SEMA3A: variants seen among roughly 807,000 people sequenced by gnomAD.
SEMA3A encodes the protein semaphorin-3A.
Under a neutral mutation model 97.9 loss-of-function variants are expected in SEMA3A, and 29 were observed. The observed-to-expected ratio is 0.30, with a 90% CI of 0.22 to 0.40. The LOEUF is 0.40. Among genes scored for constraint, SEMA3A ranks in the 10% least tolerant of loss-of-function variants. The probability of loss-of-function intolerance (pLI) is 1.00; values close to 1 mark genes in which losing one functional copy is unlikely to be tolerated. For synonymous variants in SEMA3A, 321 were observed against 323.7 expected, an observed-to-expected ratio of 0.99 and a Z score of 0.09; for missense variants, 763 against 951.3, an observed-to-expected ratio of 0.80 and a Z score of 2.60.
At chr7:84,197,326 T>A (rs1352683927), upstream of SEMA3A, among the ~76,000 whole-genome samples, 1 of 152,322 alleles carries the variant, frequency 6.6e-6, no homozygotes, top group Non-Finnish European at 1.5e-5. Flanking sequence ...TTTCTGCAGA[T>A]TTTTTATTTA....
intron 12 of SEMA3A, among the ~76,000 whole-genome samples, chr7:83,991,535 G>A (rs1377975503): frequency 6.6e-6 from 1 of 151,752 alleles, no homozygotes; most frequent in Non-Finnish European, 1.5e-5. Context: ...ATGAAGGGTT[G>A]TTGAATTTTG....
intron 1 of SEMA3A, among the ~76,000 whole-genome samples, chr7:84,476,860 AC>A (rs1056087804): frequency 1.3e-4 from 20 of 151,998 alleles, no homozygotes; most frequent in African/African-American, 4.1e-4. Context: ...TAACTTAGAG[AC>A]ATAACTACGA....
chr7:84,083,373 C>T (rs532189768), intron 4 of SEMA3A, among the ~76,000 whole-genome samples: 4 of 151,826 alleles, frequency 2.6e-5, no homozygotes, highest in African/African-American at 9.6e-5. Flanking sequence ...GATGCAAGTA[C>T]ACAATGTGTA....
intron 3 of SEMA3A, among the ~76,000 whole-genome samples, chr7:84,259,182 T>C (rs1799786042): frequency 6.6e-6 from 1 of 152,214 alleles, no homozygotes; most frequent in Non-Finnish European, 1.5e-5. Context: ...AATAATAATT[T>C]CCAGCAACTT....
chr7:84,281,130 T>A (rs191689465), intron 3 of SEMA3A, among the ~76,000 whole-genome samples: 4 of 152,332 alleles, frequency 2.6e-5, no homozygotes, highest in African/African-American at 9.6e-5. Context: ...TCCTGAATTT[T>A]GAAAAGCAGT....
At chr7:84,272,847 A>G (rs1236951758) in intron 3 of SEMA3A, among the ~76,000 whole-genome samples, 1 of 152,138 alleles carries the variant, frequency 6.6e-6, no homozygotes, top group African/African-American at 2.4e-5. Flanking sequence ...ACCTTAAGAA[A>G]TAAATAATAA....
Position 84,449,025 on chromosome 7 carries a change from T to C in SEMA3A, c.-246+43435A>G, listed in dbSNP as rs186341862. ...ATGGCCAAAAGTATTTCAACAAAAT[T>C]GCCAAGACCATTCAAGGGAGAAAAG... On this transcript the variant is annotated intron_variant, in intron 1 of 3. Coordinates refer to the SEMA3A transcript ENST00000424555. Among the ~76,000 whole-genome samples, 5 of 152,180 alleles carry C rather than the reference T, an allele frequency of 3.3e-5. No individual in the cohort carries two copies. In the East Asian group the frequency reaches 9.7e-4, roughly 29 times the overall value.
intron 3 of SEMA3A, among the ~76,000 whole-genome samples, chr7:84,119,411 T>A (rs1305826752): frequency 6.6e-6 from 1 of 152,148 alleles, no homozygotes; most frequent in Non-Finnish European, 1.5e-5. Flanking sequence ...CAGTCTGTTT[T>A]CCATGCTACC....
chr7:83,967,686 C>T (rs972729325), intron 15 of SEMA3A, among the ~76,000 whole-genome samples: 23 of 152,160 alleles, frequency 1.5e-4, no homozygotes, highest in Non-Finnish European at 2.2e-4. Flanking sequence ...ATCTGGGAAG[C>T]GGAGGTTGCA....
chr7:84,294,211 C>A (rs2115796504), intron 3 of SEMA3A, among the ~76,000 whole-genome samples: 1 of 151,994 alleles, frequency 6.6e-6, no homozygotes, highest in African/African-American at 2.4e-5. Context: ...TATTCCTTTT[C>A]ATGAATTAAT....
chr7:84,159,949 A>T (rs1371371659), intron 1 of SEMA3A, among the ~76,000 whole-genome samples: 1 of 152,186 alleles, frequency 6.6e-6, no homozygotes, highest in East Asian at 1.9e-4. Flanking sequence ...AGTGTGAACA[A>T]GAGTTACACG....
chr7:84,008,287 C>G (rs1023541059), intron 9 of SEMA3A, among the ~76,000 whole-genome samples: 11 of 151,916 alleles, frequency 7.2e-5, no homozygotes, highest in African/African-American at 2.2e-4. Context: ...GTCAAGAGAT[C>G]GAGACCATCC....
chr7:84,004,417 T>G (rs116580238), intron 11 of SEMA3A, among the ~76,000 whole-genome samples: 1,947 of 152,258 alleles, frequency 0.013, 18 homozygotes, highest in Middle Eastern at 0.044. Flanking sequence ...TTATGTTGTT[T>G]TTCTAATGAA....
chr7:83,978,352 T>C (rs1584498113), intron 14 of SEMA3A, among the ~76,000 whole-genome samples: 2 of 152,276 alleles, frequency 1.3e-5, no homozygotes, highest in African/African-American at 4.8e-5. Flanking sequence ...CAGCACGTTG[T>C]GGGTATCCTT....
At chr7:83,969,235 T>G (rs1014767247) in intron 15 of SEMA3A, among the ~76,000 whole-genome samples, 2 of 152,216 alleles carry the variant, frequency 1.3e-5, no homozygotes, top group African/African-American at 2.4e-5. Flanking sequence ...TATGATAGAT[T>G]CAACTGCTAA....
chr7:84,194,415 G>T (rs1562844998), intron 1 of SEMA3A, 60 bp downstream of exon 1: 1 of 1,100,478 alleles, frequency 9.1e-7, no homozygotes, highest in Non-Finnish European at 1.3e-6. Context: ...GGAGTTCAAG[G>T]AATTAAGGGG....
chr7:84,008,649 A>C (rs1790764810), intron 9 of SEMA3A, among the ~76,000 whole-genome samples: 1 of 152,190 alleles, frequency 6.6e-6, no homozygotes, highest in African/African-American at 2.4e-5. Flanking sequence ...TGAAAATTAC[A>C]TATAAATCAG....
At chr7:84,420,158 A>C (rs1804548730) in intron 1 of SEMA3A, among the ~76,000 whole-genome samples, 1 of 151,932 alleles carries the variant, frequency 6.6e-6, no homozygotes, top group Non-Finnish European at 1.5e-5. Flanking sequence ...ATGACATACA[A>C]AGAAACAGGA....
chr7:84,365,757 A>T, intron 2 of SEMA3A, among the ~76,000 whole-genome samples: 1 of 151,504 alleles, frequency 6.6e-6, no homozygotes, highest in Middle Eastern at 3.4e-3. Flanking sequence ...TGTTTAACAT[A>T]TTTCTATTTA....
Sources: gnomAD v4.1 joint callset for allele counts (sites outside exome capture counted in the v4.1 genomes callset) on GRCh38, gnomAD v4.1.1 for gene constraint, MANE v1.5 for transcripts, NCBI Gene and HGNC (gene_info 2026-07-23, HGNC 2026-07-21) for gene names.